Variants in ATP8B2 observed in about 807,000 individuals in gnomAD.
ATP8B2 encodes phospholipid-transporting ATPase ID.
In ATP8B2, 70 loss-of-function variants were observed where a neutral mutation model predicts 133.4. That is an observed-to-expected ratio of 0.52 (90% CI 0.43 to 0.64). The LOEUF (loss-of-function observed/expected upper bound fraction) is 0.64, where lower values mean the gene tolerates loss of function less well. ATP8B2 is among the 30% of genes least tolerant of loss of function. The pLI is 0.00. For synonymous variants in ATP8B2, 517 were observed against 589.5 expected, an observed-to-expected ratio of 0.88 and a Z score of 1.78; for missense variants, 1,101 against 1,535.7, an observed-to-expected ratio of 0.72 and a Z score of 4.73.
Position 154,346,431 on chromosome 1 carries a change from T to C in ATP8B2, c.2979T>C (p.Phe993=). Residue 993 remains phenylalanine, a synonymous_variant, in exon 25 of 28, where the codon TTT becomes TTC. Transcript: ENST00000368489. This position sits in a 1 kb window ranked among gnomAD's most constrained non-coding sequence, Gnocchi z 4.5. ...DGTQLADYQS[F]AVTVATSLVI... is the part of the protein sequence containing the mutation. ...CTCAGCTGGCTGACTACCAGTCCTTTGCAGTCACTGTGGCCACATCCTTGG... is the reference window on the plus strand; with the variant it reads ...CTCAGCTGGCTGACTACCAGTCCTTCGCAGTCACTGTGGCCACATCCTTGG... 1 of 1,614,178 alleles carries C rather than the reference T, an allele frequency of 6.2e-7. No homozygotes were observed.
chr1:154,329,128 C>G (rs1480198957), intron 2 of ATP8B2: 3 of 1,210,882 alleles, frequency 2.5e-6, no homozygotes, highest in South Asian at 1.5e-5. Context: ...TTCCCCCCTC[C>G]AATCCCTACA....
intron 12 of ATP8B2, chr1:154,338,733 A>C (rs1401806339): frequency 1.3e-5 from 2 of 152,230 alleles, no homozygotes; most frequent in African/African-American, 4.8e-5. Context: ...GTATTCTAAA[A>C]ATGCATTCTA....
intron 13 of ATP8B2, among the ~76,000 whole-genome samples, 161 bp from the exon 14 acceptor site, chr1:154,342,319 G>A (rs1686413593): frequency 6.6e-6 from 1 of 151,878 alleles, no homozygotes; most frequent in African/African-American, 2.4e-5. Context: ...CCTATCCCGC[G>A]AGTCAGCAAT....
rs1686591555 is a variant in ATP8B2 at position 154,346,566 on chromosome 1, G to T, written c.3025-54G>T. On this transcript the variant is annotated intron_variant, in intron 25 of 27. Transcript: ENST00000368489. The surrounding 1 kb of genome is among the most constrained non-coding windows in gnomAD (Gnocchi z 4.5). Reference sequence around the variant, plus strand: ...CCCTGGGCACCACAGTTCTGTTTCTGGGGGAAGGGGCTTTTAGGGCGTGCG... The same window carrying T: ...CCCTGGGCACCACAGTTCTGTTTCTTGGGGAAGGGGCTTTTAGGGCGTGCG... The T allele has an allele frequency of 2.5e-6, 4 of 1,611,722 alleles. No homozygotes were observed. The highest frequency in any genetic ancestry group is 3.4e-6 in the Non-Finnish European group (4 of 1,178,658).
Position 154,345,951 on chromosome 1 carries a change from T to A in ATP8B2, c.2778+68T>A. ...ACTGCTTGAAGGAGTCACATAGACGTGGTGTGTGACACTTGTGCCCATTTC... is the reference window on the plus strand; with the variant it reads ...ACTGCTTGAAGGAGTCACATAGACGAGGTGTGTGACACTTGTGCCCATTTC... On this transcript the variant is annotated intron_variant, in intron 24 of 27. Transcript: ENST00000368489. This position sits in a 1 kb window ranked among gnomAD's most constrained non-coding sequence, Gnocchi z 5.6. 1 of 1,408,144 alleles carries A rather than the reference T, an allele frequency of 7.1e-7. No homozygotes were observed. Among genetic ancestry groups the A allele is most frequent in the South Asian group, 1.2e-5 (1 of 85,922 alleles). The allele number at this position is 1,408,144 out of a possible 1,614,324, so 87.2% of individuals were successfully genotyped here.
intron 11 of ATP8B2, among the ~76,000 whole-genome samples, chr1:154,336,057 A>AT (rs776062674): frequency 6.7e-6 from 1 of 149,682 alleles, no homozygotes. Flanking sequence ...AAAAAAAAAA[A>AT]GGCCATCTAT....
chr1:154,328,730 G>C lies in ATP8B2; in HGVS notation c.31+558G>C. Reference sequence around the variant, plus strand: ...GCGGAACCCTGGGCGTGCTCGGCGTGTCCGGGGCCACTCAGCGCACGCTGG... The same window carrying C: ...GCGGAACCCTGGGCGTGCTCGGCGTCTCCGGGGCCACTCAGCGCACGCTGG... On this transcript the variant is annotated intron_variant, in intron 2 of 27. Transcript: ENST00000368489. This position sits in a 1 kb window ranked among gnomAD's most constrained non-coding sequence, Gnocchi z 4.6. 1.1e-6 allele frequency: 1 copy of C among 929,948 alleles called. No individual in the cohort carries two copies. Among genetic ancestry groups the C allele is most frequent in the Non-Finnish European group, 1.3e-6 (1 of 777,896 alleles). 57.6% of individuals were successfully genotyped at this position (929,948 alleles called of 1,614,324 possible). A position where few individuals can be genotyped will look rare whatever the true frequency, so the allele number is the denominator to read the frequency against.
At position 154,340,003 on chromosome 1, in the gene ATP8B2, G is replaced by A. The variant is rs930470143; in HGVS notation, c.1035-851G>A. ...TCAAGACCAGTGTGGGCAACACAGC[G>A]AGATCCCATCTCTACAAAAAATGAA... On this transcript the variant is annotated intron_variant, in intron 12 of 27. Transcript: ENST00000368489. This position sits in a 1 kb window ranked among gnomAD's most constrained non-coding sequence, Gnocchi z 4.0. Among the ~76,000 whole-genome samples, 4 of 152,082 alleles carry A rather than the reference G, an allele frequency of 2.6e-5. No homozygotes were observed. The highest frequency in any genetic ancestry group is 7.2e-5 in the African/African-American group (3 of 41,398).
chr1:154,331,321 G>A lies in ATP8B2; in HGVS notation c.304-123G>A. 8.5e-7 allele frequency: 1 copy of A among 1,182,872 alleles called. No individual in the cohort carries two copies. Among genetic ancestry groups the A allele is most frequent in the South Asian group, 1.3e-5 (1 of 76,480 alleles). 73.3% of individuals were successfully genotyped at this position (1,182,872 alleles called of 1,614,324 possible). ...CTGAGCGTGGGGAGAGGGAATCAGGGAGTGAACTGGTTTGTGATGGGGTGT... is the reference window on the plus strand; with the variant it reads ...CTGAGCGTGGGGAGAGGGAATCAGGAAGTGAACTGGTTTGTGATGGGGTGT... On this transcript the variant is annotated intron_variant, in intron 5 of 27. Coordinates refer to ENST00000368489, the MANE Select transcript of ATP8B2 (RefSeq NM_001370597.1). This position sits in a 1 kb window ranked among gnomAD's most constrained non-coding sequence, Gnocchi z 4.8.
chr1:154,334,449 G>C lies in ATP8B2; in HGVS notation c.749-54G>C. On this transcript the variant is annotated intron_variant, in intron 10 of 27. Coordinates refer to ENST00000368489, the MANE Select transcript of ATP8B2 (RefSeq NM_001370597.1). The surrounding 1 kb of genome is among the most constrained non-coding windows in gnomAD (Gnocchi z 4.6). ...CTGCAGTCTGGGGATCAGGGCAGAA[G>C]CCCAGAGGCAGATGTGTTATTTGGC... The C allele has an allele frequency of 6.3e-7, 1 of 1,585,042 alleles. No individual in the cohort carries two copies. Among genetic ancestry groups the C allele is most frequent in the Non-Finnish European group, 8.7e-7 (1 of 1,154,612 alleles).
chr1:154,335,444 C>T (rs1374956422), intron 11 of ATP8B2, among the ~76,000 whole-genome samples: 1 of 152,178 alleles, frequency 6.6e-6, no homozygotes, highest in Non-Finnish European at 1.5e-5. Context: ...GTAATCCCAG[C>T]ACTTTGGGAG....
At chr1:154,342,406 T>C in intron 13 of ATP8B2, 74 bp from the exon 14 acceptor site, 4 of 1,443,218 alleles carry the variant, frequency 2.8e-6, no homozygotes, top group South Asian at 1.1e-5. Flanking sequence ...GGATTCTGCA[T>C]TGGAGATGTT....
Position 154,344,592 on chromosome 1 carries a change from C to T in ATP8B2, c.2142-49C>T. On this transcript the variant is annotated intron_variant, in intron 20 of 27. Transcript: ENST00000368489. The surrounding 1 kb of genome is among the most constrained non-coding windows in gnomAD (Gnocchi z 4.1). The stretch of plus-strand genomic sequence containing the variant: ...ACCATTTAGACTTGAATCCCTGCTC[C>T]CCACTGCCGTTCTGGAAGACCACAA... The T allele has an allele frequency of 1.9e-6, 3 of 1,608,124 alleles. No individual in the cohort carries two copies. The highest frequency in any genetic ancestry group is 2.6e-6 in the Non-Finnish European group (3 of 1,175,074).
Position 154,348,973 on chromosome 1 carries a change from C to T in ATP8B2, c.3428C>T (p.Ser1143Phe). The part of the protein sequence containing the change: ...HQEGFGELIM[S>F]GKNMRLSSLA... ...GAGGGCTTCGGGGAGCTCATCATGT[C>T]TGGCAAGAACATGCGGCTGAGCTCT... Residue 1143 changes from serine to phenylalanine, a missense_variant, in exon 28 of 28, where the codon TCT (serine) becomes TTT (phenylalanine). Physicochemically the swap from Ser to Phe is radical, Grantham distance 155 (BLOSUM62 -2). Transcript: ENST00000368489. The T allele has an allele frequency of 6.2e-7, 1 of 1,614,270 alleles. No homozygotes were observed. Among genetic ancestry groups the T allele is most frequent in the Non-Finnish European group, 8.5e-7 (1 of 1,180,040 alleles).
In ATP8B2 at chr1:154,344,546, G is replaced by C; in HGVS notation, c.2141+46G>C. ...AGGCGGTGCTGTGCGTTGTGCCCAGGGCTCAGGTGGGGGTTTCTGGACCAT... is the reference window on the plus strand; with the variant it reads ...AGGCGGTGCTGTGCGTTGTGCCCAGCGCTCAGGTGGGGGTTTCTGGACCAT... On this transcript the variant is annotated intron_variant, in intron 20 of 27. Coordinates refer to ENST00000368489, the MANE Select transcript of ATP8B2 (RefSeq NM_001370597.1). The surrounding 1 kb of genome is among the most constrained non-coding windows in gnomAD (Gnocchi z 4.1). 29 of 1,613,384 alleles carry C rather than the reference G, an allele frequency of 1.8e-5. No individual in the cohort carries two copies. The highest frequency in any genetic ancestry group is 2.5e-5 in the Non-Finnish European group (29 of 1,179,520).
rs1442710654 is a variant in ATP8B2 at position 154,351,115 on chromosome 1, T to C, written c.*1997T>C. On this transcript the variant is annotated 3_prime_UTR_variant, in exon 28 of 28. Coordinates refer to ENST00000368489, the MANE Select transcript of ATP8B2 (RefSeq NM_001370597.1). ...TTTGTCTATATTATATAAATATATA[T>C]ATACAGTTATATATATATATATTAT... is the stretch of plus-strand genomic sequence containing the variant. 7.6e-6 allele frequency: 1 copy of C among 131,030 alleles called. No homozygotes were observed. The highest frequency in any genetic ancestry group is 2.3e-4 in the South Asian group (1 of 4,424). The allele number at this position is 131,030 out of a possible 1,614,324, so 8.1% of individuals were successfully genotyped here.
rs1686534539 is a variant in ATP8B2 at position 154,345,039 on chromosome 1, C to T, written c.2355C>T (p.Ile785=). Reference sequence around the variant, plus strand: ...CAGCGTGTGCCTGCAAAGCTGTCATCTGCTGCCGGGTGACCCCCTTGCAGA... The same window carrying T: ...CAGCGTGTGCCTGCAAAGCTGTCATTTGCTGCCGGGTGACCCCCTTGCAGA... ...LETACACKAV[I]CCRVTPLQKA... The change falls in exon 22 of 28, where the codon ATC becomes ATT. Residue 785 remains isoleucine (I), a synonymous_variant. Transcript: ENST00000368489. The surrounding 1 kb of genome is among the most constrained non-coding windows in gnomAD (Gnocchi z 5.6). The T allele has an allele frequency of 1.2e-6, 2 of 1,614,222 alleles. No individual in the cohort carries two copies. The highest frequency in any genetic ancestry group is 2.7e-5 in the African/African-American group (2 of 75,058).
In ATP8B2 at chr1:154,345,867, T is replaced by C. The variant is rs1558275417; in HGVS notation, c.2762T>C (p.Met921Thr). ...IVYTSLPVLA[M>T]GVFDQDVPEQ... is the part of the protein sequence containing the mutation. ...TACACCTCCCTGCCAGTCCTGGCTA[T>C]GGGGGTCTTTGATCAGGTATGGGGG... The change falls in exon 24 of 28, where the codon ATG (methionine) becomes ACG (threonine). Residue 921 changes from methionine (M) to threonine (T), a missense_variant. Transcript: ENST00000368489. This position sits in a 1 kb window ranked among gnomAD's most constrained non-coding sequence, Gnocchi z 5.6. 3.7e-6 allele frequency: 6 copies of C among 1,611,886 alleles called. No homozygotes were observed. The South Asian group carries it at 5.5e-5, about 15-fold the overall frequency.
At chr1:154,332,806 C>T (rs1419601675) in intron 9 of ATP8B2, 109 bp downstream of exon 9, 2 of 829,286 alleles carry the variant, frequency 2.4e-6, no homozygotes, top group African/African-American at 3.4e-5. Flanking sequence ...TATTATGCAA[C>T]TCCCTGGACT....
Sources: allele counts gnomAD v4.1 joint callset (sites outside exome capture counted in the v4.1 genomes callset), GRCh38; gene constraint gnomAD v4.1.1; non-coding constraint Gnocchi (gnomAD v3.1); transcripts MANE v1.5; gene names NCBI Gene and HGNC (gene_info 2026-07-23, HGNC 2026-07-21).